Variants in CLSTN2 observed in about 807,000 individuals in gnomAD.
CLSTN2 encodes the protein calsyntenin 2.
CLSTN2 carries 48 observed loss-of-function variants against 101.2 expected under a neutral mutation model. That is an observed-to-expected ratio of 0.47 (90% confidence interval 0.38 to 0.60). The LOEUF is 0.60. Ranked by LOEUF, CLSTN2 falls within the 20% of genes least tolerant of loss-of-function variation. CLSTN2 has a pLI of 0.00. For missense variants in CLSTN2, 1,160 were observed against 1,238.2 expected, an observed-to-expected ratio of 0.94 and a Z score of 0.95; for synonymous variants, 481 against 463.6, an observed-to-expected ratio of 1.04 and a Z score of -0.48.
chr3:140,089,883 A>G (rs1363683527), intron 1 of CLSTN2, among the ~76,000 whole-genome samples: 3 of 151,810 alleles, frequency 2.0e-5, no homozygotes, highest in Non-Finnish European at 4.4e-5. Flanking sequence ...GGGGAAAGAA[A>G]CACAAAACAT....
At chr3:140,074,478 C>A (rs901312761) in intron 1 of CLSTN2, among the ~76,000 whole-genome samples, 1 of 152,134 alleles carries the variant, frequency 6.6e-6, no homozygotes, top group African/African-American at 2.4e-5. Context: ...ATGAGGGATG[C>A]CTTATTGTCT....
chr3:140,419,142 A>C (rs1282883353), intron 4 of CLSTN2, among the ~76,000 whole-genome samples: 3 of 152,002 alleles, frequency 2.0e-5, no homozygotes, highest in Non-Finnish European at 4.4e-5. Context: ...AGTTAGAAGA[A>C]AGCTCATTTA....
At chr3:140,536,870 G>A (rs1935370579) in intron 9 of CLSTN2, among the ~76,000 whole-genome samples, 1 of 152,170 alleles carries the variant, frequency 6.6e-6, no homozygotes, top group Non-Finnish European at 1.5e-5. Context: ...TCTGGGACAA[G>A]GAGATGAGAC....
chr3:139,995,814 C>A (rs2006638992), intron 1 of CLSTN2, among the ~76,000 whole-genome samples: 1 of 152,174 alleles, frequency 6.6e-6, no homozygotes, highest in Non-Finnish European at 1.5e-5. Context: ...CAGACAGGAA[C>A]TTTAATAGAT....
intron 8 of CLSTN2, chr3:140,508,724 G>T (rs953708006): frequency 6.6e-6 from 1 of 150,612 alleles, no homozygotes; most frequent in South Asian, 2.1e-4. Context: ...ACTTACAACC[G>T]ACAACAGGCA....
intron 16 of CLSTN2, among the ~76,000 whole-genome samples, chr3:140,564,698 T>C (rs1390883235): frequency 6.6e-6 from 1 of 152,106 alleles, no homozygotes; most frequent in Non-Finnish European, 1.5e-5. Flanking sequence ...AAAATAGGAG[T>C]TATCATCTTC....
intron 1 of CLSTN2, among the ~76,000 whole-genome samples, chr3:140,115,166 C>T (rs1156686254): frequency 1.3e-5 from 2 of 152,200 alleles, no homozygotes; most frequent in African/African-American, 4.8e-5. Context: ...AAATCACATA[C>T]TGTGAGCAAG....
At chr3:140,139,381 G>A (rs951451424) in intron 1 of CLSTN2, among the ~76,000 whole-genome samples, 6 of 152,230 alleles carry the variant, frequency 3.9e-5, no homozygotes, top group African/African-American at 1.2e-4. Context: ...TCACACCTCT[G>A]CAATGAGAAT....
At chr3:140,098,976 C>T (rs897048381) in intron 1 of CLSTN2, among the ~76,000 whole-genome samples, 1 of 152,152 alleles carries the variant, frequency 6.6e-6, no homozygotes, top group Non-Finnish European at 1.5e-5. Context: ...CACACACGGA[C>T]ATGGGAGGTG....
chr3:140,426,494 A>G (rs1039916669), intron 5 of CLSTN2, among the ~76,000 whole-genome samples: 4 of 152,210 alleles, frequency 2.6e-5, no homozygotes, highest in African/African-American at 9.6e-5. Flanking sequence ...TCCGTGGTGT[A>G]TATATATGAA....
chr3:140,401,767 G>A (rs183271895), intron 2 of CLSTN2, among the ~76,000 whole-genome samples: 1 of 152,206 alleles, frequency 6.6e-6, no homozygotes, highest in Admixed American at 6.5e-5. Context: ...TCTTGGGAGA[G>A]AATCAAAAAG....
chr3:140,230,331 G>A (rs113734221), intron 2 of CLSTN2, among the ~76,000 whole-genome samples: 9 of 152,318 alleles, frequency 5.9e-5, no homozygotes, highest in African/African-American at 2.2e-4. Context: ...AAACCAGTGG[G>A]TATTTTAGAC....
At chr3:140,206,377 C>T (rs1319338216) in intron 2 of CLSTN2, among the ~76,000 whole-genome samples, 1 of 152,172 alleles carries the variant, frequency 6.6e-6, no homozygotes, top group Non-Finnish European at 1.5e-5. Context: ...AGGGCAGAGG[C>T]CAAGCCAGAG....
chr3:140,422,151 C>A (rs888242863), intron 5 of CLSTN2, among the ~76,000 whole-genome samples: 3 of 151,608 alleles, frequency 2.0e-5, no homozygotes, highest in African/African-American at 7.3e-5. Flanking sequence ...CTTTAAGCTT[C>A]TGCCTCCCTC....
intron 1 of CLSTN2, among the ~76,000 whole-genome samples, chr3:140,067,721 T>G (rs1468582212): frequency 6.6e-6 from 1 of 152,254 alleles, no homozygotes; most frequent in Non-Finnish European, 1.5e-5. Flanking sequence ...GTGGTCATTT[T>G]AGGAAGGGAT....
chr3:140,372,256 G>A (rs188682267), intron 2 of CLSTN2, among the ~76,000 whole-genome samples: 1 of 152,078 alleles, frequency 6.6e-6, no homozygotes, highest in African/African-American at 2.4e-5. Context: ...CCCGTTGCTG[G>A]TCTCATCTAT....
intron 2 of CLSTN2, among the ~76,000 whole-genome samples, chr3:140,345,600 ATTTT>A (rs35828839): frequency 9.9e-5 from 12 of 121,102 alleles, no homozygotes; most frequent in Admixed American, 3.4e-4. Flanking sequence ...TATGTGTGGA[ATTTT>A]TTTTTTTTTT....
At position 140,173,604 on chromosome 3, in the gene CLSTN2, C is replaced by T. The variant is rs1015394874; in HGVS notation, c.110-2347C>T. Among the ~76,000 whole-genome samples the T allele has an allele frequency of 2.6e-5, 4 of 152,204 alleles. 1 individual carries two copies. The highest frequency in any genetic ancestry group is 9.6e-5 in the African/African-American group (4 of 41,456). ...CCTAGCAGAGGTTCTCCATGAGAGCCACTCCCCTGCAGCAAACTTTTGCCT... is the reference window on the plus strand; with the variant it reads ...CCTAGCAGAGGTTCTCCATGAGAGCTACTCCCCTGCAGCAAACTTTTGCCT... On this transcript the variant is annotated intron_variant, in intron 1 of 16. Transcript: ENST00000458420.
intron 1 of CLSTN2, among the ~76,000 whole-genome samples, chr3:140,142,661 A>T (rs1374522902): frequency 6.6e-6 from 1 of 152,158 alleles, no homozygotes; most frequent in Non-Finnish European, 1.5e-5. Context: ...TTCTGCCTTT[A>T]TCTGGAAATT....
Sources: allele counts gnomAD v4.1 joint callset (sites outside exome capture counted in the v4.1 genomes callset), GRCh38; gene constraint gnomAD v4.1.1; transcripts MANE v1.5; gene names NCBI Gene and HGNC (gene_info 2026-07-23, HGNC 2026-07-21).